SNX25: variants seen among roughly 807,000 people sequenced by gnomAD.
SNX25 encodes sorting nexin-25.
SNX25 carries 62 observed loss-of-function variants against 113.7 expected under a neutral mutation model. That is an observed-to-expected ratio of 0.55 (90% CI 0.44 to 0.67). The LOEUF (loss-of-function observed/expected upper bound fraction) is 0.67, where lower values mean the gene tolerates loss of function less well. Ranked by LOEUF, SNX25 falls within the 30% of genes least tolerant of loss-of-function variation. The pLI is 0.00. For missense variants in SNX25, 1,014 were observed against 1,161.0 expected (o/e 0.87, Z 1.84); for synonymous variants, 421 against 436.2 (o/e 0.97, Z 0.43).
intron 1 of SNX25, among the ~76,000 whole-genome samples, chr4:185,242,645 C>G (rs1052510827): frequency 2.6e-5 from 4 of 152,144 alleles, no homozygotes; most frequent in Non-Finnish European, 5.9e-5. Context: ...CTCACATGTT[C>G]AGCTGTCCCG....
intron 6 of SNX25, among the ~76,000 whole-genome samples, chr4:185,296,701 A>T (rs957313167): frequency 7.9e-5 from 12 of 152,196 alleles, no homozygotes; most frequent in Non-Finnish European, 1.5e-4. Context: ...TACATTAGGT[A>T]TAATTAGAGG....
intron 11 of SNX25, among the ~76,000 whole-genome samples, chr4:185,341,596 A>C (rs1404940206): frequency 6.6e-6 from 1 of 152,186 alleles, no homozygotes; most frequent in African/African-American, 2.4e-5. Flanking sequence ...GTCTTGTCTG[A>C]AGACTCAGTA....
intron 9 of SNX25, among the ~76,000 whole-genome samples, chr4:185,329,863 C>T (rs537340144): frequency 1.1e-4 from 17 of 152,102 alleles, no homozygotes; most frequent in South Asian, 2.1e-4. Context: ...GTCTTCCTCA[C>T]GCAAATCACT....
chr4:185,352,002 G>A (rs369395123), intron 14 of SNX25, among the ~76,000 whole-genome samples: 32 of 152,222 alleles, frequency 2.1e-4, no homozygotes, highest in South Asian at 6.2e-4. Flanking sequence ...GGTTGGTGCC[G>A]TGCTCTAATG....
chr4:185,266,626 T>G (rs1474819290), intron 4 of SNX25, among the ~76,000 whole-genome samples: 1 of 152,190 alleles, frequency 6.6e-6, no homozygotes, highest in Non-Finnish European at 1.5e-5. Flanking sequence ...CCTCCCAAAG[T>G]GCTGGGATTA....
chr4:185,373,204 G>A, downstream of SNX25: 1 of 882,748 alleles, frequency 1.1e-6, no homozygotes, highest in Non-Finnish European at 1.7e-6. Context: ...GGAAAGAGCG[G>A]TAGGCCTTTG....
intron 1 of SNX25, among the ~76,000 whole-genome samples, chr4:185,234,311 A>G (rs1579394216): frequency 6.6e-6 from 1 of 152,244 alleles, no homozygotes; most frequent in South Asian, 2.1e-4. Context: ...GTAAAATATG[A>G]CGGCATGAGA....
the SNX25 span, among the ~76,000 whole-genome samples, chr4:185,376,443 CT>C: frequency 0.01 from 1,083 of 105,774 alleles, 12 homozygotes; most frequent in African/African-American, 0.037. Context: ...TGCCCAGCTA[CT>C]TTTTTTTTTT....
downstream of SNX25, chr4:185,374,073 A>T (rs2095425078): frequency 7.4e-7 from 1 of 1,352,574 alleles, no homozygotes; most frequent in Admixed American, 1.9e-5. Context: ...TTTCTCAAAA[A>T]AAGCAGTGAA....
chr4:185,280,038 A>G (rs1750349869), intron 5 of SNX25, among the ~76,000 whole-genome samples: 1 of 152,060 alleles, frequency 6.6e-6, no homozygotes, highest in Non-Finnish European at 1.5e-5. Context: ...CTCCCACCTC[A>G]GCCTCAGCCC....
chr4:185,208,291 C>T (rs1737283980), upstream of SNX25, among the ~76,000 whole-genome samples: 1 of 151,930 alleles, frequency 6.6e-6, no homozygotes. Flanking sequence ...GTAGGGATTA[C>T]AGGCGTGAGC....
chr4:185,340,101 T>C (rs930266043), intron 11 of SNX25, among the ~76,000 whole-genome samples: 3 of 152,214 alleles, frequency 2.0e-5, no homozygotes, highest in Non-Finnish European at 2.9e-5. Context: ...CCTGCCCTAC[T>C]GTCTGTCAAG....
chr4:185,302,395 G>T (rs1165003308), intron 6 of SNX25, among the ~76,000 whole-genome samples: 4 of 152,120 alleles, frequency 2.6e-5, no homozygotes, highest in Non-Finnish European at 5.9e-5. Context: ...GGCAGTCTTG[G>T]GGACTGAACC....
intron 5 of SNX25, 64 bp downstream of exon 5, chr4:185,267,219 T>TA (rs57930723): frequency 0.013 from 17,150 of 1,298,468 alleles, 1 homozygote; most frequent in Non-Finnish European, 0.015. Context: ...CTAGTTAGGT[T>TA]AAAAAAAAAA....
intron 1 of SNX25, among the ~76,000 whole-genome samples, chr4:185,241,111 C>G (rs1357136150): frequency 4.0e-5 from 6 of 151,568 alleles, no homozygotes; most frequent in South Asian, 4.2e-4. Context: ...CGGCACTTTG[C>G]GGGGCCAAGG....
chr4:185,206,758 A>G (rs1737206375), upstream of SNX25, among the ~76,000 whole-genome samples: 1 of 151,984 alleles, frequency 6.6e-6, no homozygotes, highest in Non-Finnish European at 1.5e-5. Flanking sequence ...GCAGGAATTT[A>G]TTAGAGGAAT....
At chr4:185,375,404 C>T in the SNX25 span, among the ~76,000 whole-genome samples, 18 of 128,448 alleles carry the variant, frequency 1.4e-4, no homozygotes, top group Non-Finnish European at 2.2e-4. Flanking sequence ...TGCAGTGAGC[C>T]GAGGTCGCGC....
intron 13 of SNX25, among the ~76,000 whole-genome samples, chr4:185,347,167 G>A (rs1256261472): frequency 6.6e-6 from 1 of 152,182 alleles, no homozygotes; most frequent in East Asian, 1.9e-4. Flanking sequence ...AATTCATTCC[G>A]TTGTTGATGA....
chr4:185,298,949 C>G (rs1753238072), intron 6 of SNX25, among the ~76,000 whole-genome samples: 1 of 152,148 alleles, frequency 6.6e-6, no homozygotes, highest in Non-Finnish European at 1.5e-5. Context: ...AGTTACTCAA[C>G]CTTTCTTGAG....
Sources: allele counts gnomAD v4.1 joint callset (sites outside exome capture counted in the v4.1 genomes callset), GRCh38; gene constraint gnomAD v4.1.1; transcripts MANE v1.5; gene names NCBI Gene and HGNC (gene_info 2026-07-23, HGNC 2026-07-21).